The following ADAMTS12 variants were observed in gnomAD, a reference collection of about 807,000 sequenced individuals.
ADAMTS12 encodes the protein ADAM metallopeptidase with thrombospondin type 1 motif 12, also known as A disintegrin and metalloproteinase with thrombospondin motifs 12.
In ADAMTS12, 118 loss-of-function variants were observed where a neutral mutation model predicts 167.8. That is an observed-to-expected ratio of 0.70 (90% confidence interval 0.61 to 0.82). The LOEUF (loss-of-function observed/expected upper bound fraction) is 0.82, where lower values mean the gene tolerates loss of function less well. Ranked by LOEUF, ADAMTS12 falls within the 40% of genes least tolerant of loss-of-function variation. ADAMTS12 has a pLI of 0.00. For synonymous variants in ADAMTS12, 704 were observed against 716.9 expected (o/e 0.98, Z 0.29); for missense variants, 1,916 against 1,998.8 (o/e 0.96, Z 0.79).
At chr5:33,542,191 T>C (rs1744739102) in intron 22 of ADAMTS12, among the ~76,000 whole-genome samples, 1 of 151,692 alleles carries the variant, frequency 6.6e-6, no homozygotes, top group African/African-American at 2.4e-5. Context: ...GTTGCAATCC[T>C]AGTCTCTGAT....
intron 17 of ADAMTS12, 75 bp from the exon 18 acceptor site, chr5:33,588,884 G>C: frequency 1.9e-6 from 3 of 1,552,568 alleles, no homozygotes; most frequent in Non-Finnish European, 2.6e-6. Context: ...TGAGAAAGCA[G>C]GGGCAGAAAT....
chr5:33,610,713 A>G (rs1738687074), intron 16 of ADAMTS12, among the ~76,000 whole-genome samples: 1 of 152,240 alleles, frequency 6.6e-6, no homozygotes, highest in African/African-American at 2.4e-5. Flanking sequence ...GCAAAATAGT[A>G]GCATGTATAA....
intron 9 of ADAMTS12, among the ~76,000 whole-genome samples, chr5:33,648,126 C>T (rs937763667): frequency 2.0e-5 from 3 of 152,230 alleles, no homozygotes; most frequent in Non-Finnish European, 4.4e-5. Flanking sequence ...AGAGAGTAGA[C>T]AATTTCCAAA....
At chr5:33,545,999 T>G (rs1182945407) in intron 22 of ADAMTS12, 60 bp downstream of exon 22, 1 of 1,498,914 alleles carries the variant, frequency 6.7e-7, no homozygotes, top group Non-Finnish European at 8.8e-7. Context: ...ACCCTAGAAC[T>G]TAAAGTATTA....
Position 33,841,990 on chromosome 5 carries a change from T to A in ADAMTS12, c.489+39129A>T, listed in dbSNP as rs140697355. Reference sequence around the variant, plus strand: ...ACATCTTCATTTTCCTCTTACACCATCCCCTTTTTGACTTCATGATCTCCC... The same window carrying A: ...ACATCTTCATTTTCCTCTTACACCAACCCCTTTTTGACTTCATGATCTCCC... On this transcript the variant is annotated intron_variant, in intron 2 of 23. Transcript: ENST00000504830. Among the ~76,000 whole-genome samples the A allele has an allele frequency of 3.3e-5, 5 of 152,176 alleles. No individual in the cohort carries two copies. In the East Asian group the frequency reaches 9.7e-4, roughly 29 times the overall value.
At chr5:33,558,023 C>T (rs923529076) in intron 20 of ADAMTS12, among the ~76,000 whole-genome samples, 1 of 152,008 alleles carries the variant, frequency 6.6e-6, no homozygotes, top group Non-Finnish European at 1.5e-5. Flanking sequence ...TGCAGGAAAA[C>T]AAGCTCAGGG....
intron 14 of ADAMTS12, among the ~76,000 whole-genome samples, chr5:33,621,088 C>T (rs1366087331): frequency 6.6e-6 from 1 of 152,066 alleles, no homozygotes; most frequent in African/African-American, 2.4e-5. Context: ...AGAAACTATT[C>T]CATCACTATC....
chr5:33,577,677 G>A (rs1746829150), intron 18 of ADAMTS12, among the ~76,000 whole-genome samples: 1 of 152,100 alleles, frequency 6.6e-6, no homozygotes, highest in Non-Finnish European at 1.5e-5. Flanking sequence ...ACTTGCCTAT[G>A]GCAGGTGGAA....
At chr5:33,685,646 C>T (rs969772764) in intron 3 of ADAMTS12, among the ~76,000 whole-genome samples, 1 of 152,178 alleles carries the variant, frequency 6.6e-6, no homozygotes, top group Non-Finnish European at 1.5e-5. Context: ...TAATGCTGTA[C>T]TTCAATATAA....
chr5:33,603,696 TCTTGC>T (rs1430016733), intron 16 of ADAMTS12: 1 of 152,196 alleles, frequency 6.6e-6, no homozygotes, highest in Non-Finnish European at 1.5e-5. Context: ...TAGACTATTG[TCTTGC>T]CAGTTTTTCA....
Position 33,803,263 on chromosome 5 carries a change from T to G in ADAMTS12, c.490-51715A>C, listed in dbSNP as rs113472488. 8.1e-3 allele frequency among the ~76,000 whole-genome samples: 1,236 copies of G among 152,130 alleles called. 18 individuals carry two copies. Among genetic ancestry groups the G allele is most frequent in the African/African-American group, 0.029 (1,199 of 41,494 alleles). On this transcript the variant is annotated intron_variant, in intron 2 of 23. Transcript: ENST00000504830. ...AAACTATTACAAACCCCAAAAGAAG[T>G]GTGGTGGGAACAAACATCTGATAGA...
chr5:33,563,197 A>G (rs1213811107), intron 19 of ADAMTS12, among the ~76,000 whole-genome samples: 3 of 152,156 alleles, frequency 2.0e-5, no homozygotes, highest in Non-Finnish European at 4.4e-5. Context: ...GGTAATAGAG[A>G]TAACAGCTGA....
intron 20 of ADAMTS12, among the ~76,000 whole-genome samples, chr5:33,553,427 T>C (rs190109921): frequency 6.6e-6 from 1 of 152,330 alleles, no homozygotes; most frequent in Non-Finnish European, 1.5e-5. Flanking sequence ...ATGTTCATTG[T>C]GGCACTATTC....
intron 16 of ADAMTS12, among the ~76,000 whole-genome samples, chr5:33,611,370 G>GT (rs1738720974): frequency 2.0e-5 from 3 of 150,302 alleles, no homozygotes; most frequent in African/African-American, 7.3e-5. Context: ...AGTAAAGATT[G>GT]AAACAAAATG....
intron 2 of ADAMTS12, among the ~76,000 whole-genome samples, chr5:33,869,049 A>G (rs1749936918): frequency 6.6e-6 from 1 of 152,182 alleles, no homozygotes; most frequent in Non-Finnish European, 1.5e-5. Context: ...GACAATGAGG[A>G]AAGTGCCTCA....
At chr5:33,609,624 C>A (rs558941940) in intron 16 of ADAMTS12, among the ~76,000 whole-genome samples, 1 of 152,176 alleles carries the variant, frequency 6.6e-6, no homozygotes, top group South Asian at 2.1e-4. Context: ...CTTCCTGCCT[C>A]ACAAAGTGTA....
chr5:33,634,186 T>A (rs1169225670), intron 12 of ADAMTS12, among the ~76,000 whole-genome samples: 2 of 152,142 alleles, frequency 1.3e-5, no homozygotes, highest in African/African-American at 4.8e-5. Context: ...GCATTTCGTG[T>A]TTTGTGAATA....
At chr5:33,711,597 G>A (rs1273224388) in intron 3 of ADAMTS12, among the ~76,000 whole-genome samples, 1 of 152,080 alleles carries the variant, frequency 6.6e-6, no homozygotes. Flanking sequence ...CGACAGAACT[G>A]TGTAAACAAA....
At chr5:33,686,298 T>C (rs1367901215) in intron 3 of ADAMTS12, among the ~76,000 whole-genome samples, 1 of 152,156 alleles carries the variant, frequency 6.6e-6, no homozygotes, top group Admixed American at 6.5e-5. Context: ...GCAAAGACTG[T>C]GCTGTGCACA....
Sources: gnomAD v4.1 joint callset for allele counts (sites outside exome capture counted in the v4.1 genomes callset) on GRCh38, gnomAD v4.1.1 for gene constraint, MANE v1.5 for transcripts, NCBI Gene and HGNC (gene_info 2026-07-23, HGNC 2026-07-21) for gene names.